The following FAP variants were observed in gnomAD, a reference collection of about 807,000 sequenced individuals.
FAP encodes the protein prolyl endopeptidase FAP.
In FAP, 110 loss-of-function variants were observed where a neutral mutation model predicts 126.5. That is an observed-to-expected ratio of 0.87 (90% CI 0.74 to 1.02). The LOEUF (loss-of-function observed/expected upper bound fraction) is 1.02, where lower values mean the gene tolerates loss of function less well. Among genes scored for constraint, FAP ranks in the 50% least tolerant of loss-of-function variants. The pLI is 0.00. For synonymous variants in FAP, 334 were observed against 297.3 expected, an observed-to-expected ratio of 1.12 and a Z score of -1.27; for missense variants, 919 against 909.2, an observed-to-expected ratio of 1.01 and a Z score of -0.14.
intron 18 of FAP, among the ~76,000 whole-genome samples, 182 bp from the exon 19 acceptor site, chr2:162,189,354 C>T (rs1687962528): frequency 6.6e-6 from 1 of 151,478 alleles, no homozygotes; most frequent in African/African-American, 2.4e-5. Flanking sequence ...TGACTAGAAA[C>T]CTTGAATTAC....
chr2:162,205,587 C>A (rs1296189737), intron 12 of FAP, among the ~76,000 whole-genome samples: 6 of 151,950 alleles, frequency 3.9e-5, no homozygotes, highest in African/African-American at 1.5e-4. Flanking sequence ...GGTCTTGGCT[C>A]ATCACAACCT....
chr2:162,200,172 T>A (rs1688440127), intron 15 of FAP, among the ~76,000 whole-genome samples: 1 of 152,166 alleles, frequency 6.6e-6, no homozygotes, highest in South Asian at 2.1e-4. Flanking sequence ...ACATGGGTGG[T>A]GCCAAAGTGA....
chr2:162,238,167 A>G (rs185273093), intron 2 of FAP, among the ~76,000 whole-genome samples: 1 of 151,642 alleles, frequency 6.6e-6, no homozygotes, highest in African/African-American at 2.4e-5. Context: ...CTCTAATGCT[A>G]GTTTCTTTTG....
chr2:162,172,771 G>A, intron 25 of FAP, 40 bp downstream of exon 25: 1 of 1,345,690 alleles, frequency 7.4e-7, no homozygotes, highest in South Asian at 1.2e-5. Flanking sequence ...TTAGCTTGAG[G>A]GTCTAAGGCC....
intron 15 of FAP, 74 bp downstream of exon 15, chr2:162,200,492 T>C: frequency 1.3e-6 from 1 of 787,250 alleles, no homozygotes; most frequent in South Asian, 1.6e-5. Context: ...ATATTTTGCA[T>C]CTCCTGGGGA....
At chr2:162,199,796 G>A (rs1190224069) in intron 15 of FAP, among the ~76,000 whole-genome samples, 1 of 152,198 alleles carries the variant, frequency 6.6e-6, no homozygotes, top group African/African-American at 2.4e-5. Flanking sequence ...CACGATCCAG[G>A]AGGGAACAGG....
chr2:162,202,370 TTAAATTTTATG>T (rs1688531042), intron 14 of FAP, among the ~76,000 whole-genome samples: 1 of 152,236 alleles, frequency 6.6e-6, no homozygotes, highest in Non-Finnish European at 1.5e-5. Flanking sequence ...GCCAAGTTAA[TTAAATTTTATG>T]AGTATCCCTT....
intron 2 of FAP, among the ~76,000 whole-genome samples, chr2:162,233,556 T>A (rs972983078): frequency 6.6e-6 from 1 of 152,178 alleles, no homozygotes; most frequent in Non-Finnish European, 1.5e-5. Context: ...GTCCATTTTT[T>A]AATGGAGTTA....
intron 24 of FAP, 45 bp from the exon 25 acceptor site, chr2:162,172,929 A>G (rs749990161): frequency 1.4e-6 from 2 of 1,457,724 alleles, no homozygotes; most frequent in Admixed American, 3.4e-5. Context: ...AAATACCAGA[A>G]AGCATAGAGT....
At chr2:162,231,514 G>A (rs1156279385) in intron 2 of FAP, among the ~76,000 whole-genome samples, 2 of 152,098 alleles carry the variant, frequency 1.3e-5, no homozygotes, top group Non-Finnish European at 2.9e-5. Flanking sequence ...ATTTTTGCCA[G>A]TGCCCTTAAC....
Position 162,189,172 on chromosome 2 carries a change from GC to G in FAP, c.1550-1del. 6.3e-7 allele frequency: 1 copy of G among 1,583,278 alleles called. No individual in the cohort carries two copies. Among genetic ancestry groups the G allele is most frequent in the Non-Finnish European group, 8.6e-7 (1 of 1,163,104 alleles). On this transcript the variant is annotated splice_acceptor_variant, in intron 18 of 25. Transcript: ENST00000188790. LOFTEE classifies it high-confidence loss of function. The stretch of plus-strand genomic sequence containing the variant: ...AGGAAGAATCATCTTGTACCATAAA[GC>G]TTTGAGGAAAAAAAAAGGAGAAAAA...
chr2:162,196,482 A>C (rs1158076685), intron 16 of FAP, among the ~76,000 whole-genome samples: 1 of 151,682 alleles, frequency 6.6e-6, no homozygotes, highest in African/African-American at 2.4e-5. Context: ...TGGAATTTTC[A>C]TGAGTGTGTA....
chr2:162,188,298 G>A lies in FAP; in HGVS notation c.1685C>T (p.Ala562Val), dbSNP rs756945640. 4.3e-5 allele frequency: 70 copies of A among 1,613,160 alleles called. No homozygotes were observed. The highest frequency in any genetic ancestry group is 5.9e-5 in the Non-Finnish European group (70 of 1,179,504). ...VFAVNWISYL[A>V]SKEGMVIALV... ...GGCAATGACCATCCCTTCCTTACTT[G>A]CAAGATAAGATATCCAATTAACAGC... Residue 562 changes from alanine (A) to valine (V), a missense_variant, in exon 20 of 26, where the codon GCA becomes GTA. Transcript: ENST00000188790.
intron 21 of FAP, among the ~76,000 whole-genome samples, chr2:162,177,214 G>C (rs1355780827): frequency 6.6e-6 from 1 of 152,120 alleles, no homozygotes; most frequent in East Asian, 1.9e-4. Context: ...TTGTTTAAAT[G>C]AGGGATATCT....
rs369647660 is a variant in FAP at position 162,171,256 on chromosome 2, G to A, written c.2182-176C>T. On this transcript the variant is annotated intron_variant, in intron 25 of 25. Transcript: ENST00000188790. The stretch of plus-strand genomic sequence containing the variant: ...AATATTTACAGCAGGAAGAGCTTTC[G>A]TTAACCTCCACTACTGTTTCACATG... 3.3e-5 allele frequency: 18 copies of A among 552,700 alleles called. 1 individual carries two copies. Among genetic ancestry groups the A allele is most frequent in the African/African-American group, 2.6e-4 (14 of 52,874 alleles). The allele number at this position is 552,700 out of a possible 1,614,324, so 34.2% of individuals were successfully genotyped here.
intron 16 of FAP, chr2:162,198,303 A>T (rs1003140165): frequency 3.8e-5 from 49 of 1,289,132 alleles, no homozygotes; most frequent in African/African-American, 4.6e-5. Flanking sequence ...ATTCCCCTGG[A>T]TGTGAGAGTT....
chr2:162,183,461 T>A lies in FAP; in HGVS notation c.1822A>T (p.Ile608Leu), dbSNP rs780654016. 6.2e-7 allele frequency: 1 copy of A among 1,607,668 alleles called. No homozygotes were observed. Among genetic ancestry groups the A allele is most frequent in the Non-Finnish European group, 8.5e-7 (1 of 1,175,194 alleles). Reference sequence around the variant, plus strand: ...TTTTCATCAATGAAACCCATTTCTATGAATTTTCTAAAGTAAAAGAAACAA... The same window carrying A: ...TTTTCATCAATGAAACCCATTTCTAAGAATTTTCTAAAGTAAAAGAAACAA... ...EDQITAVRKF[I>L]EMGFIDEKRI... Residue 608 changes from isoleucine (I) to leucine (L), a missense_variant, in exon 21 of 26, where the codon ATA becomes TTA. Physicochemically the swap from Ile to Leu is conservative, Grantham distance 5 (BLOSUM62 2). Transcript: ENST00000188790.
intron 16 of FAP, 96 bp downstream of exon 16, chr2:162,198,661 C>A (rs1164846391): frequency 1.6e-5 from 22 of 1,376,982 alleles, no homozygotes; most frequent in Non-Finnish European, 2.0e-5. Flanking sequence ...ATAACAAATG[C>A]TCATTAACTG....
At chr2:162,212,227 T>C (rs1273706159) in intron 11 of FAP, among the ~76,000 whole-genome samples, 2 of 152,170 alleles carry the variant, frequency 1.3e-5, no homozygotes, top group Non-Finnish European at 2.9e-5. Flanking sequence ...GTTTTAAAAT[T>C]CCTAGTTTTA....
Sources: gnomAD v4.1 joint callset for allele counts (sites outside exome capture counted in the v4.1 genomes callset) on GRCh38, gnomAD v4.1.1 for gene constraint, MANE v1.5 for transcripts, NCBI Gene and HGNC (gene_info 2026-07-23, HGNC 2026-07-21) for gene names.